The following FREM3 variants were observed in gnomAD, a reference collection of about 807,000 sequenced individuals.
The protein encoded by FREM3 is FRAS1 related extracellular matrix 3.
In FREM3, 105 loss-of-function variants were observed where a neutral mutation model predicts 129.1. The observed-to-expected ratio is 0.81, with a 90% CI of 0.69 to 0.96. FREM3 has a LOEUF of 0.96. Ranked by LOEUF, FREM3 falls within the 40% of genes least tolerant of loss-of-function variation. The probability of loss-of-function intolerance (pLI) is 0.00; values close to 1 mark genes in which losing one functional copy is unlikely to be tolerated. For synonymous variants in FREM3, 1,014 were observed against 1,044.9 expected, an observed-to-expected ratio of 0.97 and a Z score of 0.57; for missense variants, 2,593 against 2,666.3, an observed-to-expected ratio of 0.97 and a Z score of 0.61.
chr4:143,676,629 A>G (rs889588051), intron 2 of FREM3, among the ~76,000 whole-genome samples: 16 of 152,312 alleles, frequency 1.1e-4, no homozygotes, highest in African/African-American at 3.6e-4. Flanking sequence ...ACATGATTGT[A>G]TATCTAGAAA....
At chr4:143,663,043 C>G (rs1321311849) in intron 2 of FREM3, among the ~76,000 whole-genome samples, 1 of 152,106 alleles carries the variant, frequency 6.6e-6, no homozygotes, top group South Asian at 2.1e-4. Flanking sequence ...ATCCGATTTG[C>G]CACTCTGCGT....
chr4:143,624,125 A>G lies in FREM3; in HGVS notation c.5636T>C (p.Ile1879Thr), dbSNP rs1031704740. The part of the protein sequence containing the change: ...LEFPEMATVE[I>T]VDPGDESTVY... ...TCACATACCATCTCCAGGGTCTACA[A>G]TTTCAACCGTTGCCATTTCTGGAAA... The change falls in exon 4 of 8, where the codon ATT becomes ACT. Residue 1879 changes from isoleucine (I) to threonine (T), a missense_variant. Physicochemically the swap from Ile to Thr is moderately conservative, Grantham distance 89. Around this residue, in one of 2 missense-constraint regions of FREM3, gnomAD observed 317 missense variants for 399.0 expected, o/e 0.79. Coordinates refer to ENST00000329798, the MANE Select transcript of FREM3 (RefSeq NM_001168235.2). The G allele has an allele frequency of 1.5e-5, 23 of 1,531,932 alleles. No homozygotes were observed. Among genetic ancestry groups the G allele is most frequent in the South Asian group, 6.0e-5 (5 of 83,938 alleles). 94.9% of individuals were successfully genotyped at this position (1,531,932 alleles called of 1,614,324 possible).
chr4:143,697,846 T>C lies in FREM3; in HGVS notation c.2830A>G (p.Arg944Gly). ...VHPNVANRSP[R>G]ISLRSSSLLD... is the part of the protein sequence containing the mutation. ...AATGAACTACTTCTGAGAGAGATCC[T>C]AGGACTTCTGTTAGCCACATTGGGA... Residue 944 changes from arginine to glycine, a missense_variant, in exon 1 of 8, where the codon AGG becomes GGG. Arg to Gly is a moderately radical substitution (Grantham distance 125). Around this residue, in one of 2 missense-constraint regions of FREM3, gnomAD observed 2,276 missense variants for 2,267.2 expected, o/e 1.00. Transcript: ENST00000329798. The C allele has an allele frequency of 6.5e-7, 1 of 1,537,790 alleles. No individual in the cohort carries two copies. The highest frequency in any genetic ancestry group is 2.4e-5 in the East Asian group (1 of 40,916).
intron 6 of FREM3, among the ~76,000 whole-genome samples, chr4:143,590,831 A>G (rs943331881): frequency 3.9e-4 from 60 of 152,132 alleles, no homozygotes; most frequent in African/African-American, 1.2e-3. Flanking sequence ...TCCTCCTTGT[A>G]CCTCTGGTAG....
At chr4:143,656,737 T>C (rs1269788860) in intron 2 of FREM3, among the ~76,000 whole-genome samples, 1 of 152,196 alleles carries the variant, frequency 6.6e-6, no homozygotes, top group Non-Finnish European at 1.5e-5. Flanking sequence ...TAGATTGTGG[T>C]GATGGTTGCA....
At chr4:143,615,364 C>G (rs768908078) in intron 5 of FREM3, among the ~76,000 whole-genome samples, 1 of 152,168 alleles carries the variant, frequency 6.6e-6, no homozygotes, top group Non-Finnish European at 1.5e-5. Context: ...TTTAGTAGGA[C>G]AGCAAGACAA....
intron 2 of FREM3, among the ~76,000 whole-genome samples, chr4:143,689,555 C>A (rs1740428056): frequency 6.6e-6 from 1 of 152,030 alleles, no homozygotes; most frequent in South Asian, 2.1e-4. Flanking sequence ...GAAAATAAGT[C>A]ATTATTTGAA....
chr4:143,610,808 G>T (rs142692785), intron 6 of FREM3, among the ~76,000 whole-genome samples: 42 of 152,276 alleles, frequency 2.8e-4, no homozygotes, highest in African/African-American at 9.9e-4. Context: ...GCTCCCCAGG[G>T]ACTGGAGGCA....
chr4:143,636,019 T>C (rs1739227407), intron 2 of FREM3, among the ~76,000 whole-genome samples: 1 of 151,904 alleles, frequency 6.6e-6, no homozygotes, highest in Non-Finnish European at 1.5e-5. Context: ...ATCTATAAAG[T>C]GGGGGTAAAG....
At chr4:143,584,199 G>A (rs1202938354) in intron 7 of FREM3, among the ~76,000 whole-genome samples, 4 of 152,160 alleles carry the variant, frequency 2.6e-5, no homozygotes, top group South Asian at 4.1e-4. Flanking sequence ...CATGAGGTCA[G>A]GAGATCGAGA....
At chr4:143,581,718 C>T (rs762925359) in intron 7 of FREM3, among the ~76,000 whole-genome samples, 3 of 152,118 alleles carry the variant, frequency 2.0e-5, no homozygotes, top group Non-Finnish European at 4.4e-5. Flanking sequence ...AGACCCCAAC[C>T]CCCTGCTCTT....
intron 2 of FREM3, among the ~76,000 whole-genome samples, chr4:143,648,722 C>T (rs1244567070): frequency 6.6e-6 from 1 of 152,220 alleles, no homozygotes; most frequent in Non-Finnish European, 1.5e-5. Flanking sequence ...AATTAAACCT[C>T]TATCTTTTAT....
At chr4:143,590,094 T>G (rs1738329207) in intron 6 of FREM3, among the ~76,000 whole-genome samples, 1 of 152,128 alleles carries the variant, frequency 6.6e-6, no homozygotes, top group South Asian at 2.1e-4. Flanking sequence ...TTTTGTATCC[T>G]GAGACTTTGC....
In FREM3 at chr4:143,699,741, G is replaced by C; in HGVS notation, c.935C>G (p.Thr312Arg). 1.3e-6 allele frequency: 2 copies of C among 1,519,166 alleles called. No individual in the cohort carries two copies. The highest frequency in any genetic ancestry group is 1.2e-5 in the South Asian group (1 of 81,586). 94.1% of individuals were successfully genotyped at this position (1,519,166 alleles called of 1,614,324 possible). ...CAGTGGATCCACCTCCATCATCATCGTGGCCATGAAGCTGGGCCTGGGCGG... is the reference window on the plus strand; with the variant it reads ...CAGTGGATCCACCTCCATCATCATCCTGGCCATGAAGCTGGGCCTGGGCGG... Reference protein sequence around the residue: ...NTPPRPSFMATMMMEVDPLVL... With the variant: ...NTPPRPSFMARMMMEVDPLVL... Residue 312 changes from threonine to arginine, a missense_variant, in exon 1 of 8, where the codon ACG becomes AGG. This residue lies in a region of FREM3 where 2,276 missense variants were observed against 2,267.2 expected (regional missense o/e 1.00). Coordinates refer to ENST00000329798, the MANE Select transcript of FREM3 (RefSeq NM_001168235.2). This position sits in a 1 kb window ranked among gnomAD's most constrained non-coding sequence, Gnocchi z 4.2.
intron 6 of FREM3, among the ~76,000 whole-genome samples, chr4:143,599,708 A>G (rs1293776956): frequency 2.0e-5 from 3 of 152,188 alleles, no homozygotes; most frequent in African/African-American, 7.2e-5. Context: ...AGGCTAGAAC[A>G]AAAGAATGGG....
intron 6 of FREM3, among the ~76,000 whole-genome samples, chr4:143,586,879 A>G (rs1335349437): frequency 6.6e-6 from 1 of 152,190 alleles, no homozygotes; most frequent in Non-Finnish European, 1.5e-5. Context: ...AAATGTAAAT[A>G]TTAGGAAGCA....
At chr4:143,586,125 A>G (rs951869137) in intron 6 of FREM3, 132 bp from the exon 7 acceptor site, 2 of 836,010 alleles carry the variant, frequency 2.4e-6, no homozygotes, top group East Asian at 2.9e-5. Flanking sequence ...TTGTTTTTTT[A>G]TATAGCTCAG....
rs1411803591 is a variant in FREM3, at chr4:143,587,992, A to G, written c.6029-1999T>C. 2.6e-5 allele frequency among the ~76,000 whole-genome samples: 4 copies of G among 152,120 alleles called. No homozygotes were observed. The South Asian group carries it at 8.3e-4, about 32-fold the overall frequency. ...ACCTTCCTGCATCCTCTGCCTTGAT[A>G]AACTCCAGGAATACCACTTAACCCC... On this transcript the variant is annotated intron_variant, in intron 6 of 7. Coordinates refer to ENST00000329798, the MANE Select transcript of FREM3 (RefSeq NM_001168235.2).
intron 2 of FREM3, among the ~76,000 whole-genome samples, chr4:143,672,241 C>G (rs1479131691): frequency 6.6e-6 from 1 of 152,130 alleles, no homozygotes; most frequent in Non-Finnish European, 1.5e-5. Flanking sequence ...ATAGTTCAAC[C>G]CCTCTAAAGC....
Sources: gnomAD v4.1 joint callset for allele counts (sites outside exome capture counted in the v4.1 genomes callset) on GRCh38, gnomAD v4.1.1 for gene constraint, gnomAD v4.1.1 regional missense constraint, Gnocchi (gnomAD v3.1) non-coding constraint, MANE v1.5 for transcripts, NCBI Gene and HGNC (gene_info 2026-07-23, HGNC 2026-07-21) for gene names.